The following FMN2 variants were observed in gnomAD, a reference collection of about 807,000 sequenced individuals.
The protein encoded by FMN2 is formin-2.
A neutral mutation model predicts 142.3 loss-of-function variants in FMN2; 51 were observed. That is an observed-to-expected ratio of 0.36 (90% confidence interval 0.29 to 0.45). The LOEUF (loss-of-function observed/expected upper bound fraction) is 0.45, where lower values mean the gene tolerates loss of function less well. Ranked by LOEUF, FMN2 falls within the 20% of genes least tolerant of loss-of-function variation. FMN2 has a pLI of 1.00. For missense variants in FMN2, 1,936 were observed against 2,122.8 expected, an observed-to-expected ratio of 0.91 and a Z score of 1.73; for synonymous variants, 882 against 869.8, an observed-to-expected ratio of 1.01 and a Z score of -0.25.
At chr1:240,277,525 C>CTTTTTTTTTTT (rs34678861) in intron 7 of FMN2, among the ~76,000 whole-genome samples, 5 of 66,148 alleles carry the variant, frequency 7.6e-5, no homozygotes, top group African/African-American at 1.9e-4. Context: ...GCATCTTCTT[C>CTTTTTTTTTTT]TTTTTTTTTT....
intron 14 of FMN2, among the ~76,000 whole-genome samples, chr1:240,358,510 AT>A (rs780254309): frequency 6.6e-6 from 1 of 152,186 alleles, no homozygotes; most frequent in Non-Finnish European, 1.5e-5. Flanking sequence ...TGGGTAATTT[AT>A]AAAGAAAAGA....
At chr1:240,462,170 A>G (rs191378053) in intron 16 of FMN2, among the ~76,000 whole-genome samples, 1 of 152,216 alleles carries the variant, frequency 6.6e-6, no homozygotes, top group East Asian at 1.9e-4. Context: ...CAGATATCCC[A>G]TGAGAGAGTC....
At chr1:240,229,625 G>A (rs1328962390) in intron 6 of FMN2, among the ~76,000 whole-genome samples, 1 of 152,098 alleles carries the variant, frequency 6.6e-6, no homozygotes, top group East Asian at 1.9e-4. Context: ...TGAATGAAAT[G>A]TCTGTGCTAT....
At chr1:240,284,066 A>G (rs1039200073) in intron 7 of FMN2, among the ~76,000 whole-genome samples, 1 of 152,188 alleles carries the variant, frequency 6.6e-6, no homozygotes, top group African/African-American at 2.4e-5. Flanking sequence ...AGGAAAAGGC[A>G]TGTGAAGACC....
chr1:240,256,502 G>A (rs1334712224), intron 6 of FMN2, among the ~76,000 whole-genome samples: 3 of 151,338 alleles, frequency 2.0e-5, no homozygotes, highest in Non-Finnish European at 1.5e-5. Flanking sequence ...ACTTTGGGAG[G>A]CCGAGGTGGG....
chr1:240,387,435 T>C (rs1317554761), intron 14 of FMN2, among the ~76,000 whole-genome samples: 1 of 152,222 alleles, frequency 6.6e-6, no homozygotes, highest in East Asian at 1.9e-4. Context: ...TATTATCTTA[T>C]CCCTTGTAGC....
intron 7 of FMN2, among the ~76,000 whole-genome samples, chr1:240,270,112 C>G (rs1210092304): frequency 6.6e-6 from 1 of 152,026 alleles, no homozygotes; most frequent in South Asian, 2.1e-4. Flanking sequence ...TGTTTCTGAT[C>G]TTAGAAGAAA....
intron 4 of FMN2, among the ~76,000 whole-genome samples, chr1:240,188,699 A>G (rs1665581090): frequency 6.6e-6 from 1 of 152,220 alleles, no homozygotes; most frequent in African/African-American, 2.4e-5. Context: ...GTATCTGTTT[A>G]ATTTCCAGGA....
intron 6 of FMN2, among the ~76,000 whole-genome samples, chr1:240,228,333 G>GAA (rs1176161325): frequency 2.0e-5 from 1 of 49,112 alleles, no homozygotes; most frequent in Non-Finnish European, 3.6e-5. Flanking sequence ...AAAAAAAAAA[G>GAA]AAAAAGAAAA....
intron 14 of FMN2, among the ~76,000 whole-genome samples, chr1:240,376,410 T>G (rs1440136040): frequency 1.3e-5 from 2 of 152,090 alleles, no homozygotes; most frequent in African/African-American, 4.8e-5. Flanking sequence ...CTTTTTTTCT[T>G]TCCCTTTTTT....
At chr1:240,242,693 C>T (rs1449600827) in intron 6 of FMN2, among the ~76,000 whole-genome samples, 1 of 152,174 alleles carries the variant, frequency 6.6e-6, no homozygotes, top group African/African-American at 2.4e-5. Context: ...AATTCCACAG[C>T]TGTCAGTCTC....
In FMN2 at chr1:240,306,018, C is replaced by T. The variant is rs536229041; in HGVS notation, c.4215+11135C>T. Among the ~76,000 whole-genome samples the T allele has an allele frequency of 3.4e-5, 5 of 147,796 alleles. 1 individual carries two copies. The highest frequency in any genetic ancestry group is 1.0e-4 in the African/African-American group (4 of 39,078). ...AGGCTGGAGTGCGGTGACGTGATCT[C>T]GGCTCACTGCAACCTCCACCTCCTG... On this transcript the variant is annotated intron_variant, in intron 8 of 17. Transcript: ENST00000319653.
intron 13 of FMN2, among the ~76,000 whole-genome samples, 194 bp downstream of exon 13, chr1:240,334,423 T>C (rs1671493451): frequency 6.6e-6 from 1 of 152,240 alleles, no homozygotes; most frequent in African/African-American, 2.4e-5. Flanking sequence ...ATCAAAAATT[T>C]GGTTATTAAG....
intron 8 of FMN2, among the ~76,000 whole-genome samples, chr1:240,295,319 T>C (rs900051723): frequency 1.3e-5 from 2 of 152,124 alleles, no homozygotes; most frequent in Non-Finnish European, 2.9e-5. Flanking sequence ...GCTGAGTTGA[T>C]ATACACATTG....
chr1:240,404,100 G>A (rs1468340517), intron 15 of FMN2, among the ~76,000 whole-genome samples: 7 of 152,160 alleles, frequency 4.6e-5, no homozygotes, highest in African/African-American at 1.7e-4. Context: ...AGACAAAAAA[G>A]GGGAAAGAAA....
intron 2 of FMN2, among the ~76,000 whole-genome samples, chr1:240,151,342 G>C (rs1473721778): frequency 6.6e-6 from 1 of 152,240 alleles, no homozygotes; most frequent in East Asian, 1.9e-4. Flanking sequence ...CTCAGTTCCA[G>C]CCTGTTTCCT....
At chr1:240,275,641 G>A (rs1335073517) in intron 7 of FMN2, among the ~76,000 whole-genome samples, 2 of 152,042 alleles carry the variant, frequency 1.3e-5, no homozygotes, top group African/African-American at 4.8e-5. Flanking sequence ...GGTATTTCTG[G>A]TTCTGGGTCC....
At chr1:240,107,363 G>A (rs1268430310) in intron 1 of FMN2, among the ~76,000 whole-genome samples, 2 of 152,110 alleles carry the variant, frequency 1.3e-5, no homozygotes, top group African/African-American at 2.4e-5. Context: ...GCTGTGGTCT[G>A]TGTGACTCAT....
chr1:240,428,555 A>G (rs889329747), intron 15 of FMN2, among the ~76,000 whole-genome samples: 1 of 152,194 alleles, frequency 6.6e-6, no homozygotes, highest in African/African-American at 2.4e-5. Flanking sequence ...GTTCACCTTG[A>G]GTCCTTTTGA....
Sources: allele counts gnomAD v4.1 joint callset (sites outside exome capture counted in the v4.1 genomes callset), GRCh38; gene constraint gnomAD v4.1.1; transcripts MANE v1.5; gene names NCBI Gene and HGNC (gene_info 2026-07-23, HGNC 2026-07-21).